ANKK1: variants seen among roughly 807,000 people sequenced by gnomAD.
ANKK1 encodes ankyrin repeat and kinase domain containing 1.
A neutral mutation model predicts 37.6 loss-of-function variants in ANKK1; 37 were observed. That is an observed-to-expected ratio of 0.98 (90% CI 0.76 to 1.29). The LOEUF (loss-of-function observed/expected upper bound fraction) is 1.29, where lower values mean the gene tolerates loss of function less well. Among genes scored for constraint, ANKK1 ranks in the 50% most tolerant of loss-of-function variants. The pLI, the probability that ANKK1 is intolerant of heterozygous loss-of-function variation, is 0.00. For missense variants in ANKK1, 1,019 were observed against 990.6 expected (o/e 1.03, Z -0.39); for synonymous variants, 415 against 418.7 (o/e 0.99, Z 0.11).
chr11:113,398,441 G>A lies in ANKK1; in HGVS notation c.994+425G>A, dbSNP rs955006251. ...TAATTCTCATACTCCACTGGGTAGA[G>A]CAGAAGGATGTTGATCCTTAAGACC... On this transcript the variant is annotated intron_variant, in intron 7 of 7. Coordinates refer to ENST00000303941, the MANE Select transcript of ANKK1 (RefSeq NM_178510.2). 7.2e-5 allele frequency among the ~76,000 whole-genome samples: 11 copies of A among 152,272 alleles called. No individual in the cohort carries two copies. In the East Asian group the frequency reaches 2.1e-3, roughly 29 times the overall value.
intron 1 of ANKK1, 31 bp downstream of exon 1, chr11:113,388,100 G>C: frequency 6.9e-7 from 1 of 1,446,044 alleles, no homozygotes; most frequent in Non-Finnish European, 9.1e-7. Context: ...CCCTTTCTCG[G>C]AGGAGAAACT....
chr11:113,395,146 G>A, intron 3 of ANKK1, 66 bp downstream of exon 3: 1 of 1,535,950 alleles, frequency 6.5e-7, no homozygotes, highest in Non-Finnish European at 8.8e-7. Context: ...ACCCTGCCTG[G>A]CCTCTATGGC....
intron 1 of ANKK1, among the ~76,000 whole-genome samples, chr11:113,388,933 C>T (rs925837229): frequency 5.9e-5 from 9 of 152,060 alleles, no homozygotes; most frequent in Admixed American, 1.3e-4. Context: ...GAGTCCGGGA[C>T]GGGGGTCTCT....
At chr11:113,395,864 C>T (rs1950633398) in intron 4 of ANKK1, among the ~76,000 whole-genome samples, 1 of 152,244 alleles carries the variant, frequency 6.6e-6, no homozygotes, top group African/African-American at 2.4e-5. Context: ...ACCTGGGAGG[C>T]AGCTGGAGCC....
intron 3 of ANKK1, 66 bp downstream of exon 3, chr11:113,395,146 G>C (rs1483172607): frequency 2.0e-6 from 3 of 1,535,832 alleles, no homozygotes; most frequent in Non-Finnish European, 2.6e-6. Flanking sequence ...ACCCTGCCTG[G>C]CCTCTATGGC....
At chr11:113,395,292 C>T in intron 3 of ANKK1, 67 bp from the exon 4 acceptor site, 1 of 1,597,678 alleles carries the variant, frequency 6.3e-7, no homozygotes, top group Non-Finnish European at 8.6e-7. Flanking sequence ...CCGACCCTGC[C>T]ACCCCGGGCT....
At chr11:113,398,059 G>C (rs1472642030) in intron 7 of ANKK1, 43 bp downstream of exon 7, 1 of 1,555,178 alleles carries the variant, frequency 6.4e-7, no homozygotes, top group Admixed American at 1.9e-5. Flanking sequence ...ACTCACAGCA[G>C]AGAAAATGGA....
At chr11:113,394,258 C>G (rs369676556) in intron 2 of ANKK1, among the ~76,000 whole-genome samples, 24 of 152,284 alleles carry the variant, frequency 1.6e-4, no homozygotes, top group Admixed American at 4.6e-4. Context: ...TCCAGTAGGT[C>G]CCCATTATAT....
rs917886985 is a variant in ANKK1, at chr11:113,399,460, C to T, written c.1491C>T (p.Pro497=). ...TGCATGAGGCTGAGGGCAAGACCCC[C>T]CTCCATGTGGCCGCCTACTTTGGCC... ...PNLHEAEGKT[P]LHVAAYFGHV... Residue 497 remains proline, a synonymous_variant, in exon 8 of 8, where the codon CCC becomes CCT. Transcript: ENST00000303941. 2 of 1,594,462 alleles carry T rather than the reference C, an allele frequency of 1.3e-6. No homozygotes were observed. The highest frequency in any genetic ancestry group is 3.5e-5 in the Admixed American group (2 of 57,404).
chr11:113,393,415 G>A, intron 1 of ANKK1, 66 bp from the exon 2 acceptor site: 1 of 1,515,056 alleles, frequency 6.6e-7, no homozygotes, highest in Admixed American at 1.8e-5. Context: ...TAGTTTATGT[G>A]TTCAGCTGGT....
At chr11:113,395,251 G>T (rs1034375869) in intron 3 of ANKK1, 108 bp from the exon 4 acceptor site, 77 of 1,523,414 alleles carry the variant, frequency 5.1e-5, no homozygotes, top group Non-Finnish European at 6.6e-5. Context: ...GGCCGGTGAG[G>T]CTTGCCTGGG....
rs1435488577 is a variant in ANKK1, at chr11:113,400,249, A to G, written c.2280A>G (p.Gly760=). The G allele has an allele frequency of 6.5e-7, 1 of 1,540,066 alleles. No individual in the cohort carries two copies. Among genetic ancestry groups the G allele is most frequent in the South Asian group, 1.2e-5 (1 of 83,714 alleles). ...SVATLGGSKP[G]AEMEI ...CCACTCTGGGTGGTTCTAAGCCAGG[A>G]GCCGAGATGGAAATTTAGACAACTT... Residue 760 remains glycine, a synonymous_variant, in exon 8 of 8, where the codon GGA becomes GGG. Coordinates refer to ENST00000303941, the MANE Select transcript of ANKK1 (RefSeq NM_178510.2).
At chr11:113,397,854 A>G in intron 6 of ANKK1, 126 bp from the exon 7 acceptor site, 1 of 1,061,084 alleles carries the variant, frequency 9.4e-7, no homozygotes, top group Non-Finnish European at 1.4e-6. Flanking sequence ...AAGGTTTCCC[A>G]GGATAGGGTG....
chr11:113,397,925 C>T (rs377479710), intron 6 of ANKK1, 55 bp from the exon 7 acceptor site: 18 of 1,543,868 alleles, frequency 1.2e-5, no homozygotes, highest in Non-Finnish European at 1.5e-5. Context: ...GAGGAGGGCA[C>T]AGGCTAGAAC....
rs1201722436 is a variant in ANKK1, at chr11:113,400,253, G to A, written c.2284G>A (p.Glu762Lys). 6.5e-6 allele frequency: 10 copies of A among 1,539,142 alleles called. No individual in the cohort carries two copies. The highest frequency in any genetic ancestry group is 5.5e-5 in the African/African-American group (4 of 72,752). The change falls in exon 8 of 8, where the codon GAG (glutamate) becomes AAG (lysine). Residue 762 changes from glutamate to lysine, a missense_variant. Transcript: ENST00000303941. ...ATLGGSKPGA[E>K]MEI is the part of the protein sequence containing the mutation. ...TCTGGGTGGTTCTAAGCCAGGAGCC[G>A]AGATGGAAATTTAGACAACTTGGCC...
At chr11:113,394,388 G>T (rs974773773) in intron 2 of ANKK1, among the ~76,000 whole-genome samples, 1 of 152,218 alleles carries the variant, frequency 6.6e-6, no homozygotes, top group Non-Finnish European at 1.5e-5. Context: ...CGAGGATATG[G>T]AGTGTGTGTG....
chr11:113,392,539 T>G (rs1342367228), intron 1 of ANKK1, among the ~76,000 whole-genome samples: 1 of 152,198 alleles, frequency 6.6e-6, no homozygotes, highest in Admixed American at 6.5e-5. Context: ...CATCACAGTT[T>G]TGCAAATACT....
Position 113,393,539 on chromosome 11 carries a change from C to A in ANKK1, c.244C>A (p.His82Asn). ...CAAAATGAAGAAGATCAAGTTTCAGCACATCGTGTCTATCTACGGGGTGTG... is the reference window on the plus strand; with the variant it reads ...CAAAATGAAGAAGATCAAGTTTCAGAACATCGTGTCTATCTACGGGGTGTG... Reference protein sequence around the residue: ...AAKMKKIKFQHIVSIYGVCKQ... With the variant: ...AAKMKKIKFQNIVSIYGVCKQ... The change falls in exon 2 of 8, where the codon CAC becomes AAC. Residue 82 changes from histidine to asparagine, a missense_variant. Transcript: ENST00000303941. 1 of 1,613,990 alleles carries A rather than the reference C, an allele frequency of 6.2e-7. No homozygotes were observed. Among genetic ancestry groups the A allele is most frequent in the Non-Finnish European group, 8.5e-7 (1 of 1,179,896 alleles).
Position 113,397,982 on chromosome 11 carries a change from T to A in ANKK1, c.960T>A (p.Val320=). 1 of 1,561,346 alleles carries A rather than the reference T, an allele frequency of 6.4e-7. No homozygotes were observed. The highest frequency in any genetic ancestry group is 8.7e-7 in the Non-Finnish European group (1 of 1,152,268). The change falls in exon 7 of 8, where the codon GTT becomes GTA. Residue 320 remains valine (V), a splice_region_variant and synonymous_variant. Transcript: ENST00000303941. The part of the protein sequence containing the change: ...CKLSLRQPGE[V]NEDISQELMD... ...GCCTGCTGGTTATGCCTCCCCAGGT[T>A]AATGAGGACATCAGCCAGGAACTGA...
Sources: gnomAD v4.1 joint callset for allele counts (sites outside exome capture counted in the v4.1 genomes callset) on GRCh38, gnomAD v4.1.1 for gene constraint, MANE v1.5 for transcripts, NCBI Gene and HGNC (gene_info 2026-07-23, HGNC 2026-07-21) for gene names.